The following MIPOL1 variants were observed in gnomAD, a reference collection of about 807,000 sequenced individuals.
MIPOL1 encodes the protein mirror-image polydactyly 1.
In MIPOL1, 57 loss-of-function variants were observed where a neutral mutation model predicts 60.9. The ratio of observed to expected loss-of-function variants is 0.94; its 90% CI spans 0.76 to 1.17. MIPOL1 has a LOEUF of 1.17. MIPOL1 is among the 50% of genes most tolerant of loss of function. MIPOL1 has a pLI of 0.00. For missense variants in MIPOL1, 551 were observed against 511.6 expected, an observed-to-expected ratio of 1.08 and a Z score of -0.74; for synonymous variants, 179 against 168.8, an observed-to-expected ratio of 1.06 and a Z score of -0.47.
chr14:37,380,824 T>A (rs766808254), intron 10 of MIPOL1, among the ~76,000 whole-genome samples: 4 of 152,102 alleles, frequency 2.6e-5, no homozygotes, highest in Non-Finnish European at 5.9e-5. Flanking sequence ...GCCACAAATT[T>A]TAAAAAATGA....
intron 10 of MIPOL1, among the ~76,000 whole-genome samples, chr14:37,386,456 A>G (rs1595527670): frequency 1.3e-5 from 2 of 152,114 alleles, no homozygotes; most frequent in East Asian, 1.9e-4. Flanking sequence ...TTGACAATAA[A>G]TTGATCTTGT....
intron 1 of MIPOL1, among the ~76,000 whole-genome samples, chr14:37,234,657 G>A (rs1412221734): frequency 6.6e-6 from 1 of 151,866 alleles, no homozygotes; most frequent in Non-Finnish European, 1.5e-5. Flanking sequence ...TTTAATTCCT[G>A]ACAGTTGCTT....
chr14:37,270,080 C>T (rs968791663), intron 5 of MIPOL1, among the ~76,000 whole-genome samples: 12 of 152,068 alleles, frequency 7.9e-5, no homozygotes, highest in East Asian at 3.9e-4. Context: ...CTGCCCACCT[C>T]GGCCTCCCAA....
At chr14:37,321,972 A>G (rs1345126975) in intron 9 of MIPOL1, among the ~76,000 whole-genome samples, 1 of 152,020 alleles carries the variant, frequency 6.6e-6, no homozygotes, top group Non-Finnish European at 1.5e-5. Context: ...TGAATTTTAC[A>G]GTGAACGTTT....
chr14:37,270,661 G>C (rs1468340219), intron 6 of MIPOL1, 136 bp downstream of exon 6: 3 of 221,360 alleles, frequency 1.4e-5, no homozygotes, highest in Non-Finnish European at 2.2e-5. Context: ...TTTTTTTTTT[G>C]GCTGCTTAGA....
intron 11 of MIPOL1, among the ~76,000 whole-genome samples, chr14:37,494,700 TTAA>T (rs1301659181): frequency 6.6e-6 from 1 of 152,170 alleles, no homozygotes; most frequent in Non-Finnish European, 1.5e-5. Flanking sequence ...AAAAGGAATA[TTAA>T]TAAGACTTCT....
At chr14:37,325,339 G>T (rs2089040951) in intron 9 of MIPOL1, among the ~76,000 whole-genome samples, 1 of 151,876 alleles carries the variant, frequency 6.6e-6, no homozygotes, top group African/African-American at 2.4e-5. Flanking sequence ...TTCCTTCAAA[G>T]AAATTAGGAG....
At chr14:37,318,815 A>AG (rs1429268245) in intron 9 of MIPOL1, among the ~76,000 whole-genome samples, 1,772 of 150,274 alleles carry the variant, frequency 0.012, 28 homozygotes, top group African/African-American at 0.038. Context: ...TTATTTATTT[A>AG]TTTATTTATT....
intron 11 of MIPOL1, among the ~76,000 whole-genome samples, chr14:37,453,811 G>T (rs2094448477): frequency 6.6e-6 from 1 of 152,148 alleles, no homozygotes; most frequent in Non-Finnish European, 1.5e-5. Context: ...AATATTCTTT[G>T]CAGATGCATT....
At chr14:37,488,234 C>T (rs755724781) in intron 11 of MIPOL1, among the ~76,000 whole-genome samples, 10 of 152,066 alleles carry the variant, frequency 6.6e-5, no homozygotes, top group Non-Finnish European at 1.2e-4. Context: ...AGCAGTGTTT[C>T]ACTTGCAATT....
intron 9 of MIPOL1, among the ~76,000 whole-genome samples, chr14:37,312,899 C>T (rs754120244): frequency 6.6e-6 from 1 of 152,072 alleles, no homozygotes; most frequent in Non-Finnish European, 1.5e-5. Context: ...TCACTATTCT[C>T]CTTTTCCAGG....
At chr14:37,353,722 A>G (rs1378826148) in intron 9 of MIPOL1, among the ~76,000 whole-genome samples, 1 of 152,092 alleles carries the variant, frequency 6.6e-6, no homozygotes, top group Non-Finnish European at 1.5e-5. Context: ...CTCTGATGGT[A>G]GTTTGTATTT....
At chr14:37,299,119 A>G (rs1340939907) in intron 7 of MIPOL1, among the ~76,000 whole-genome samples, 1 of 152,208 alleles carries the variant, frequency 6.6e-6, no homozygotes, top group Non-Finnish European at 1.5e-5. Flanking sequence ...CTGCAGCCAT[A>G]AAAAATGATG....
At position 37,548,890 on chromosome 14, in the gene MIPOL1, T is replaced by C. The variant is rs1008358394; in HGVS notation, c.*1919T>C. 1 of 152,004 alleles carries C rather than the reference T, an allele frequency of 6.6e-6. No individual in the cohort carries two copies. Among genetic ancestry groups the C allele is most frequent in the African/African-American group, 2.4e-5 (1 of 41,444 alleles). 9.4% of individuals were successfully genotyped at this position (152,004 alleles called of 1,614,324 possible). A position where few individuals can be genotyped will look rare whatever the true frequency, so the allele number is the denominator to read the frequency against. On this transcript the variant is annotated 3_prime_UTR_variant, in exon 13 of 13. Coordinates refer to ENST00000684589, the MANE Select transcript of MIPOL1 (RefSeq NM_001388067.1). Reference sequence around the variant, plus strand: ...CTATAATTAATATGCAGAACTTTTATAGAATATGATATTATAAAGTTAAAT... The same window carrying C: ...CTATAATTAATATGCAGAACTTTTACAGAATATGATATTATAAAGTTAAAT...
Position 37,244,450 on chromosome 14 carries a change from C to T in MIPOL1, c.-198-2653C>T, listed in dbSNP as rs556336089. 1.9e-3 allele frequency among the ~76,000 whole-genome samples: 286 copies of T among 151,920 alleles called. 2 individuals carry two copies. Among genetic ancestry groups the T allele is most frequent in the African/African-American group, 6.6e-3 (275 of 41,452 alleles). ...CCTTTTTTATATACTGAAAATTTTT[C>T]AGAATTAAAAATAGCTTGGAGGAAT... On this transcript the variant is annotated intron_variant, in intron 1 of 12. Coordinates refer to ENST00000684589, the MANE Select transcript of MIPOL1 (RefSeq NM_001388067.1).
At chr14:37,540,004 C>T (rs1261317275) in intron 12 of MIPOL1, among the ~76,000 whole-genome samples, 2 of 152,178 alleles carry the variant, frequency 1.3e-5, no homozygotes, top group Non-Finnish European at 2.9e-5. Context: ...TTACACTTCT[C>T]CTTGCTGCTG....
intron 12 of MIPOL1, chr14:37,506,382 G>A (rs140933411): frequency 6.6e-6 from 1 of 152,168 alleles, no homozygotes; most frequent in Admixed American, 6.5e-5. Flanking sequence ...AAACAGCATG[G>A]TACTGGTACC....
At chr14:37,380,923 A>G (rs1048159075) in intron 10 of MIPOL1, among the ~76,000 whole-genome samples, 1 of 152,142 alleles carries the variant, frequency 6.6e-6, no homozygotes, top group Admixed American at 6.6e-5. Flanking sequence ...GACTTTGGAT[A>G]GATCCTGGAA....
At chr14:37,334,558 A>G (rs2089971882) in intron 9 of MIPOL1, among the ~76,000 whole-genome samples, 1 of 151,956 alleles carries the variant, frequency 6.6e-6, no homozygotes, top group African/African-American at 2.4e-5. Context: ...TATACAATAT[A>G]ATATTTTTCG....
Sources: gnomAD v4.1 joint callset for allele counts (sites outside exome capture counted in the v4.1 genomes callset) on GRCh38, gnomAD v4.1.1 for gene constraint, MANE v1.5 for transcripts, NCBI Gene and HGNC (gene_info 2026-07-23, HGNC 2026-07-21) for gene names.